The following DIP2C variants were observed in gnomAD, a reference collection of about 807,000 sequenced individuals.
DIP2C encodes the protein DIP2 acetate--CoA ligase C (putative).
A neutral mutation model predicts 192.4 loss-of-function variants in DIP2C; 33 were observed. That is an observed-to-expected ratio of 0.17 (90% confidence interval 0.13 to 0.23). The LOEUF (loss-of-function observed/expected upper bound fraction) is 0.23, where lower values mean the gene tolerates loss of function less well. DIP2C is among the 10% of genes least tolerant of loss of function. The probability of loss-of-function intolerance (pLI) is 1.00; values close to 1 mark genes in which losing one functional copy is unlikely to be tolerated. For synonymous variants in DIP2C, 979 were observed against 864.1 expected, an observed-to-expected ratio of 1.13 and a Z score of -2.33; for missense variants, 1,537 against 2,110.1, an observed-to-expected ratio of 0.73 and a Z score of 5.32.
At chr10:388,520 G>A (rs1167615327) in intron 13 of DIP2C, among the ~76,000 whole-genome samples, 2 of 152,182 alleles carry the variant, frequency 1.3e-5, no homozygotes, top group Non-Finnish European at 2.9e-5. Context: ...ACAATAAATG[G>A]CCAAAAGTAA....
At chr10:344,764 T>A (rs1958347884) in intron 28 of DIP2C, 45 bp downstream of exon 28, 8 of 1,519,632 alleles carry the variant, frequency 5.3e-6, no homozygotes, top group Non-Finnish European at 7.2e-6. Context: ...TCCAGCACGC[T>A]CCGCAGTTGC....
intron 1 of DIP2C, among the ~76,000 whole-genome samples, chr10:579,823 A>G (rs1850476852): frequency 6.6e-6 from 1 of 152,102 alleles, no homozygotes; most frequent in Admixed American, 6.5e-5. Context: ...TAATGTGTAC[A>G]TGCATAGCAT....
intron 1 of DIP2C, among the ~76,000 whole-genome samples, chr10:595,000 C>T (rs919843937): frequency 6.6e-6 from 1 of 152,240 alleles, no homozygotes; most frequent in African/African-American, 2.4e-5. Context: ...GTGCAAAGCA[C>T]GCACTTCTCA....
At chr10:611,822 G>A (rs2131780444) in intron 1 of DIP2C, among the ~76,000 whole-genome samples, 1 of 152,264 alleles carries the variant, frequency 6.6e-6, no homozygotes, top group East Asian at 1.9e-4. Flanking sequence ...ATATTCAGAG[G>A]CAGAAATGCA....
intron 1 of DIP2C, among the ~76,000 whole-genome samples, chr10:512,010 T>C (rs180718329): frequency 6.6e-6 from 1 of 152,186 alleles, no homozygotes; most frequent in Admixed American, 6.5e-5. Context: ...AGCACCACAA[T>C]CACCTCTCAG....
At chr10:592,552 C>T (rs1851463516) in intron 1 of DIP2C, among the ~76,000 whole-genome samples, 1 of 151,498 alleles carries the variant, frequency 6.6e-6, no homozygotes, top group African/African-American at 2.4e-5. Flanking sequence ...AGTGAACTGA[C>T]TAGGTGGAAT....
At chr10:510,143 A>T (rs547041023) in intron 1 of DIP2C, among the ~76,000 whole-genome samples, 1 of 152,332 alleles carries the variant, frequency 6.6e-6, no homozygotes, top group South Asian at 2.1e-4. Flanking sequence ...ATGACCACTG[A>T]AACTGACTGA....
intron 1 of DIP2C, among the ~76,000 whole-genome samples, chr10:517,430 C>T (rs978226903): frequency 2.0e-5 from 3 of 152,166 alleles, no homozygotes; most frequent in Non-Finnish European, 2.9e-5. Flanking sequence ...CACCCAAGCC[C>T]GACGCTCCGC....
intron 3 of DIP2C, among the ~76,000 whole-genome samples, chr10:453,629 G>A (rs551084623): frequency 2.0e-5 from 3 of 152,312 alleles, no homozygotes; most frequent in Admixed American, 2.0e-4. Flanking sequence ...AATGGAAGAT[G>A]ATTCTAGTTT....
intron 1 of DIP2C, among the ~76,000 whole-genome samples, chr10:589,911 A>G (rs1851302753): frequency 6.6e-6 from 1 of 152,226 alleles, no homozygotes. Flanking sequence ...TAATTTCACA[A>G]CAGAATGAAA....
At chr10:537,752 G>C (rs1417020713) in intron 1 of DIP2C, among the ~76,000 whole-genome samples, 2 of 152,080 alleles carry the variant, frequency 1.3e-5, no homozygotes, top group African/African-American at 4.8e-5. Flanking sequence ...CAAAGCTCTT[G>C]GGGTCTCCCT....
chr10:503,116 C>T (rs1845361097), intron 1 of DIP2C, among the ~76,000 whole-genome samples: 1 of 151,704 alleles, frequency 6.6e-6, no homozygotes. Context: ...CAACATAAAT[C>T]CCGCCAGGAC....
In DIP2C at chr10:689,418, C is replaced by A; in HGVS notation, c.85+76G>T. The A allele has an allele frequency of 1.1e-6, 1 of 885,618 alleles. No homozygotes were observed. Among genetic ancestry groups the A allele is most frequent in the African/African-American group, 1.8e-5 (1 of 54,762 alleles). 54.9% of individuals were successfully genotyped at this position (885,618 alleles called of 1,614,324 possible). On this transcript the variant is annotated intron_variant, in intron 1 of 36. Transcript: ENST00000280886. The surrounding 1 kb of genome is among the most constrained non-coding windows in gnomAD (Gnocchi z 6.1). ...GGCCCGGCCCCCGCCCCGCCGCAGG[C>A]CCCGCGCCCCCAGCCCTCCGCGCGC...
intron 6 of DIP2C, among the ~76,000 whole-genome samples, chr10:418,619 G>A (rs1589750895): frequency 1.3e-5 from 2 of 152,186 alleles, no homozygotes; most frequent in South Asian, 4.1e-4. Flanking sequence ...TGTCCAACGT[G>A]GATAAAAAGA....
At chr10:423,963 G>A (rs1030952685) in intron 4 of DIP2C, among the ~76,000 whole-genome samples, 9 of 151,988 alleles carry the variant, frequency 5.9e-5, no homozygotes, top group African/African-American at 1.7e-4. Context: ...TGGATATCTT[G>A]GATTATAACA....
At chr10:603,536 C>T (rs1345604856) in intron 1 of DIP2C, among the ~76,000 whole-genome samples, 1 of 152,130 alleles carries the variant, frequency 6.6e-6, no homozygotes, top group African/African-American at 2.4e-5. Context: ...CAAGACCATA[C>T]TGTGATCGAA....
intron 6 of DIP2C, among the ~76,000 whole-genome samples, chr10:417,253 C>T (rs1345067445): frequency 6.6e-6 from 1 of 152,088 alleles, no homozygotes; most frequent in Admixed American, 6.5e-5. Context: ...GGGTGTGACC[C>T]AGAATCACCC....
At chr10:589,765 G>C (rs1426037556) in intron 1 of DIP2C, among the ~76,000 whole-genome samples, 1 of 152,190 alleles carries the variant, frequency 6.6e-6, no homozygotes, top group East Asian at 1.9e-4. Flanking sequence ...CAGGAGAGTA[G>C]AGGCACTGCC....
At chr10:630,749 T>G (rs71489260) in intron 1 of DIP2C, 1 of 152,248 alleles carries the variant, frequency 6.6e-6, no homozygotes, top group Non-Finnish European at 1.5e-5. Context: ...ACCTCATAAG[T>G]CTTGCTAGGG....
Sources: allele counts gnomAD v4.1 joint callset (sites outside exome capture counted in the v4.1 genomes callset), GRCh38; gene constraint gnomAD v4.1.1; non-coding constraint Gnocchi (gnomAD v3.1); transcripts MANE v1.5; gene names NCBI Gene and HGNC (gene_info 2026-07-23, HGNC 2026-07-21).